The following ATE1 variants were observed in gnomAD, a reference collection of about 807,000 sequenced individuals.
ATE1 encodes arginyl-tRNA--protein transferase 1.
A neutral mutation model predicts 70.5 loss-of-function variants in ATE1; 36 were observed. The observed-to-expected ratio is 0.51, with a 90% CI of 0.39 to 0.67. ATE1 has a LOEUF of 0.67. Among genes scored for constraint, ATE1 ranks in the 30% least tolerant of loss-of-function variants. The pLI is 0.00. For missense variants in ATE1, 593 were observed against 629.5 expected (o/e 0.94, Z 0.62); for synonymous variants, 232 against 219.3 (o/e 1.06, Z -0.51).
At chr10:121,912,422 C>A (rs959554684) in intron 4 of ATE1, among the ~76,000 whole-genome samples, 1 of 151,540 alleles carries the variant, frequency 6.6e-6, no homozygotes, top group Non-Finnish European at 1.5e-5. Flanking sequence ...GAGGCCAAGG[C>A]GGGCAGGTCA....
At chr10:121,760,542 G>A (rs778831874) in intron 11 of ATE1, among the ~76,000 whole-genome samples, 11 of 152,220 alleles carry the variant, frequency 7.2e-5, no homozygotes, top group Admixed American at 7.2e-4. Context: ...AGTGGAGTCT[G>A]AAGATGTCAC....
chr10:121,828,656 C>CA (rs926885294), intron 10 of ATE1, among the ~76,000 whole-genome samples: 5 of 152,198 alleles, frequency 3.3e-5, no homozygotes, highest in African/African-American at 1.2e-4. Flanking sequence ...ATTAGGAAAA[C>CA]AGCCTAGACT....
At chr10:121,928,410 T>C (rs1198369070), upstream of ATE1, 19 of 1,526,914 alleles carry the variant, frequency 1.2e-5, no homozygotes, top group African/African-American at 2.9e-5. Context: ...CTGAGGCCCT[T>C]GTATTCCACC....
intron 2 of ATE1, among the ~76,000 whole-genome samples, chr10:121,923,217 T>A (rs1951950699): frequency 6.6e-6 from 1 of 152,150 alleles, no homozygotes; most frequent in African/African-American, 2.4e-5. Context: ...ATACCTATAA[T>A]CCCAACACTT....
chr10:121,759,342 A>G (rs1015731120), intron 11 of ATE1, among the ~76,000 whole-genome samples: 3 of 152,240 alleles, frequency 2.0e-5, no homozygotes, highest in African/African-American at 7.2e-5. Context: ...CTAAAGGCTG[A>G]GAGGTAAGGA....
chr10:121,815,878 C>G (rs1481585610), intron 10 of ATE1, among the ~76,000 whole-genome samples: 2 of 152,296 alleles, frequency 1.3e-5, no homozygotes, highest in Admixed American at 6.5e-5. Context: ...TGTCCTATTG[C>G]AGGATGTTTG....
chr10:121,834,179 CCT>C (rs1188509470), intron 10 of ATE1, among the ~76,000 whole-genome samples: 1 of 152,102 alleles, frequency 6.6e-6, no homozygotes, highest in Non-Finnish European at 1.5e-5. Flanking sequence ...CAGAGAGGAC[CCT>C]CTGACTACAC....
intron 8 of ATE1, among the ~76,000 whole-genome samples, chr10:121,867,065 C>A (rs191790651): frequency 2.0e-5 from 3 of 152,138 alleles, no homozygotes; most frequent in Non-Finnish European, 4.4e-5. Context: ...TGAGTCCTAC[C>A]AAATTATGGA....
intron 1 of ATE1, among the ~76,000 whole-genome samples, chr10:121,925,309 A>T (rs944380224): frequency 3.3e-5 from 5 of 152,074 alleles, no homozygotes; most frequent in Non-Finnish European, 1.5e-5. Context: ...AATCCCAGCT[A>T]CTTGGGAGGC....
At chr10:121,767,545 T>C (rs1288367806) in intron 11 of ATE1, among the ~76,000 whole-genome samples, 1 of 152,106 alleles carries the variant, frequency 6.6e-6, no homozygotes, top group East Asian at 1.9e-4. Flanking sequence ...GTATACAAGA[T>C]CACCACATAG....
rs577049179 is a variant in ATE1, at chr10:121,894,849, C to T, written c.942+5017G>A. Reference sequence around the variant, plus strand: ...CCGAGAGGCGGAGCTTGCAGTGAGCCGAGATCGCACCGCTGCACTCCAGCC... The same window carrying T: ...CCGAGAGGCGGAGCTTGCAGTGAGCTGAGATCGCACCGCTGCACTCCAGCC... On this transcript the variant is annotated intron_variant, in intron 7 of 11. Coordinates refer to ENST00000224652, the MANE Select transcript of ATE1 (RefSeq NM_001001976.3). Among the ~76,000 whole-genome samples the T allele has an allele frequency of 4.6e-5, 7 of 151,970 alleles. No homozygotes were observed. The South Asian group carries it at 1.0e-3, about 23-fold the overall frequency.
chr10:121,919,312 A>G lies in ATE1; in HGVS notation c.233+3037T>C, dbSNP rs189654858. On this transcript the variant is annotated intron_variant, in intron 3 of 11. Coordinates refer to ENST00000224652, the MANE Select transcript of ATE1 (RefSeq NM_001001976.3). The stretch of plus-strand genomic sequence containing the variant: ...AGGAACCAACTCCAGATACACCAGC[A>G]CTTTGGGGGGCTGAAGCGGGCAGAT... 3.9e-3 allele frequency among the ~76,000 whole-genome samples: 594 copies of G among 152,188 alleles called. 2 individuals are homozygous for G. The highest frequency in any genetic ancestry group is 6.0e-3 in the Non-Finnish European group (408 of 68,010).
At chr10:121,808,788 C>T (rs1037951018) in intron 10 of ATE1, among the ~76,000 whole-genome samples, 5 of 152,204 alleles carry the variant, frequency 3.3e-5, no homozygotes, top group Non-Finnish European at 5.9e-5. Flanking sequence ...GCAGCCTTTT[C>T]ATGTAACTGT....
chr10:121,922,832 T>C (rs917815510), intron 2 of ATE1, among the ~76,000 whole-genome samples: 2 of 152,142 alleles, frequency 1.3e-5, no homozygotes, highest in Non-Finnish European at 2.9e-5. Context: ...CCCGCTTCTT[T>C]CCATGCATTC....
At chr10:121,809,566 G>A (rs1204783382) in intron 10 of ATE1, among the ~76,000 whole-genome samples, 1 of 152,066 alleles carries the variant, frequency 6.6e-6, no homozygotes, top group Non-Finnish European at 1.5e-5. Context: ...CGCAGCTACT[G>A]GTATGTTTCC....
At chr10:121,755,525 G>A (rs1944763166) in intron 11 of ATE1, among the ~76,000 whole-genome samples, 1 of 152,166 alleles carries the variant, frequency 6.6e-6, no homozygotes, top group Admixed American at 6.5e-5. Flanking sequence ...AAAAAATGTT[G>A]TGTATTAGTC....
At chr10:121,785,441 T>G (rs1212131330) in intron 11 of ATE1, among the ~76,000 whole-genome samples, 1 of 152,070 alleles carries the variant, frequency 6.6e-6, no homozygotes, top group Admixed American at 6.5e-5. Context: ...AACAGGTGAA[T>G]GAACGCAGGA....
rs1948614311 is a variant in ATE1 at position 121,841,137 on chromosome 10, A to G, written c.1102T>C (p.Leu368=). ...AACGAATAATCAGGATCGTAGTACA[A>G]ATACACAGATGATACACAGTTTGGG... is the stretch of plus-strand genomic sequence containing the variant. The part of the protein sequence containing the change: ...ILPNCVSSVY[L]YYDPDYSFLS... The change falls in exon 9 of 12, where the codon TTG becomes CTG. Residue 368 remains leucine, a synonymous_variant. Coordinates refer to ENST00000224652, the MANE Select transcript of ATE1 (RefSeq NM_001001976.3). The G allele has an allele frequency of 6.3e-7, 1 of 1,592,658 alleles. No homozygotes were observed. The highest frequency in any genetic ancestry group is 8.6e-7 in the Non-Finnish European group (1 of 1,166,676).
intron 5 of ATE1, among the ~76,000 whole-genome samples, chr10:121,909,558 T>G (rs1951338840): frequency 6.6e-6 from 1 of 152,126 alleles, no homozygotes; most frequent in Admixed American, 6.6e-5. Flanking sequence ...GGCTATGACA[T>G]GAGTCAGTAA....
Sources: gnomAD v4.1 joint callset for allele counts (sites outside exome capture counted in the v4.1 genomes callset) on GRCh38, gnomAD v4.1.1 for gene constraint, MANE v1.5 for transcripts, NCBI Gene and HGNC (gene_info 2026-07-23, HGNC 2026-07-21) for gene names.